The following PARD3B variants were observed in gnomAD, a reference collection of about 807,000 sequenced individuals.
PARD3B encodes partitioning defective 3 homolog B.
PARD3B carries 103 observed loss-of-function variants against 130.2 expected under a neutral mutation model. That is an observed-to-expected ratio of 0.79 (90% confidence interval 0.67 to 0.93). The LOEUF (loss-of-function observed/expected upper bound fraction) is 0.93. Among genes scored for constraint, PARD3B ranks in the 40% least tolerant of loss-of-function variants. The pLI is 0.00. For missense variants in PARD3B, 1,609 were observed against 1,499.2 expected (o/e 1.07, Z -1.21); for synonymous variants, 583 against 553.2 (o/e 1.05, Z -0.76).
At chr2:205,359,323 G>A (rs2044305795) in intron 18 of PARD3B, among the ~76,000 whole-genome samples, 1 of 152,134 alleles carries the variant, frequency 6.6e-6, no homozygotes, top group Non-Finnish European at 1.5e-5. Flanking sequence ...ACTATATCTT[G>A]TCTCCACAAT....
intron 2 of PARD3B, among the ~76,000 whole-genome samples, chr2:204,947,805 ACATGTCAT>A (rs1689454512): frequency 1.3e-5 from 2 of 152,218 alleles, no homozygotes; most frequent in African/African-American, 2.4e-5. Flanking sequence ...AAGGAAAGTG[ACATGTCAT>A]CTTCTAAAGC....
chr2:204,764,456 C>A (rs2018532), intron 2 of PARD3B, among the ~76,000 whole-genome samples: 44 of 152,214 alleles, frequency 2.9e-4, no homozygotes, highest in Middle Eastern at 6.8e-3. Flanking sequence ...GTGCCTGCAG[C>A]TTGATTTCTA....
intron 2 of PARD3B, among the ~76,000 whole-genome samples, chr2:204,710,756 C>T (rs1374310462): frequency 6.6e-6 from 1 of 152,136 alleles, no homozygotes; most frequent in Non-Finnish European, 1.5e-5. Flanking sequence ...GTGTTGGGGT[C>T]CTGGAATCTG....
At chr2:204,786,673 T>C (rs1387809167) in intron 2 of PARD3B, among the ~76,000 whole-genome samples, 2 of 151,566 alleles carry the variant, frequency 1.3e-5, no homozygotes, top group Admixed American at 6.6e-5. Flanking sequence ...GATTTCCTTT[T>C]TTAACTTAAA....
intron 21 of PARD3B, among the ~76,000 whole-genome samples, chr2:205,536,417 T>C (rs1389176538): frequency 6.6e-6 from 1 of 152,168 alleles, no homozygotes; most frequent in African/African-American, 2.4e-5. Context: ...GTATTTGATC[T>C]CTGCTCCTAA....
intron 1 of PARD3B, among the ~76,000 whole-genome samples, chr2:204,652,740 A>C (rs1342221432): frequency 6.9e-6 from 1 of 145,256 alleles, no homozygotes; most frequent in Non-Finnish European, 1.5e-5. Context: ...ATTTATGAGC[A>C]AAAGAGGTTT....
chr2:204,813,714 T>TTA (rs2043045486), intron 2 of PARD3B, among the ~76,000 whole-genome samples: 1 of 152,092 alleles, frequency 6.6e-6, no homozygotes, highest in African/African-American at 2.4e-5. Context: ...GAGTTCAAGT[T>TTA]TATTTTTTTT....
chr2:205,498,091 T>G (rs757951126), intron 20 of PARD3B, among the ~76,000 whole-genome samples: 1 of 151,194 alleles, frequency 6.6e-6, no homozygotes, highest in Non-Finnish European at 1.5e-5. Flanking sequence ...TCTCAGCTAT[T>G]TTGGATGCTG....
At chr2:205,363,953 C>A (rs189079555) in intron 18 of PARD3B, among the ~76,000 whole-genome samples, 4 of 151,174 alleles carry the variant, frequency 2.6e-5, no homozygotes, top group East Asian at 2.0e-4. Context: ...AGGCATGAAC[C>A]ACCGCACCCA....
chr2:205,327,077 T>C (rs2042962281), intron 18 of PARD3B, among the ~76,000 whole-genome samples: 2 of 152,198 alleles, frequency 1.3e-5, no homozygotes, highest in African/African-American at 2.4e-5. Context: ...GTATGTGTTC[T>C]TAGGGAGAAT....
Position 205,229,963 on chromosome 2 carries a change from G to A in PARD3B, c.2141-15815G>A, listed in dbSNP as rs1040163917. Among the ~76,000 whole-genome samples, 17 of 151,858 alleles carry A rather than the reference G, an allele frequency of 1.1e-4. No homozygotes were observed. Among genetic ancestry groups the A allele is most frequent in the African/African-American group, 4.1e-4 (17 of 41,334 alleles). On this transcript the variant is annotated intron_variant, in intron 15 of 22. Coordinates refer to ENST00000406610, the MANE Select transcript of PARD3B (RefSeq NM_001302769.2). The surrounding 1 kb of genome is among the most constrained non-coding windows in gnomAD (Gnocchi z 5.2). ...TGGCAAGTACTGCCTGTCTACCACTGATGCTCATTCCAGGTCTAAGGACTC... is the reference window on the plus strand; with the variant it reads ...TGGCAAGTACTGCCTGTCTACCACTAATGCTCATTCCAGGTCTAAGGACTC...
chr2:204,968,297 TCA>T (rs754891514), intron 3 of PARD3B, among the ~76,000 whole-genome samples: 38 of 152,336 alleles, frequency 2.5e-4, no homozygotes, highest in Admixed American at 1.1e-3. Flanking sequence ...CAAAATATAC[TCA>T]GTGTTCAGTA....
At chr2:204,942,724 A>T (rs2125805716) in intron 2 of PARD3B, among the ~76,000 whole-genome samples, 1 of 152,330 alleles carries the variant, frequency 6.6e-6, no homozygotes, top group East Asian at 1.9e-4. Context: ...TTGTGTAGTA[A>T]TGCAATTCAA....
At chr2:205,523,549 A>G (rs1045813380) in intron 21 of PARD3B, among the ~76,000 whole-genome samples, 1 of 152,076 alleles carries the variant, frequency 6.6e-6, no homozygotes, top group Admixed American at 6.6e-5. Flanking sequence ...ATCAGTCAAC[A>G]TCAAAAATAA....
chr2:204,766,120 A>T (rs940053295), intron 2 of PARD3B, among the ~76,000 whole-genome samples: 5 of 152,122 alleles, frequency 3.3e-5, no homozygotes, highest in Non-Finnish European at 7.4e-5. Flanking sequence ...TTTGTTTCAT[A>T]TTATTGCCAG....
intron 11 of PARD3B, among the ~76,000 whole-genome samples, chr2:205,166,865 A>T (rs921169696): frequency 6.6e-6 from 1 of 152,164 alleles, no homozygotes; most frequent in Non-Finnish European, 1.5e-5. Flanking sequence ...ATAATATCCC[A>T]GGAGGCCGTA....
At chr2:204,989,106 G>A (rs1186701786) in intron 3 of PARD3B, among the ~76,000 whole-genome samples, 1 of 152,092 alleles carries the variant, frequency 6.6e-6, no homozygotes, top group African/African-American at 2.4e-5. Flanking sequence ...AATGTTAAGG[G>A]GGGTACAGGC....
chr2:205,079,163 G>C lies in PARD3B; in HGVS notation c.505-25263G>C, dbSNP rs188909526. 1.5e-3 allele frequency among the ~76,000 whole-genome samples: 227 copies of C among 152,280 alleles called. 1 individual carries two copies. The highest frequency in any genetic ancestry group is 5.3e-3 in the African/African-American group (222 of 41,564). ...GCAGCAATAACGACCAGAACAAGTA[G>C]GTTCAATACATTGCATAGATCTGTT... On this transcript the variant is annotated intron_variant, in intron 4 of 22. Transcript: ENST00000406610.
intron 2 of PARD3B, among the ~76,000 whole-genome samples, chr2:204,900,444 A>T (rs1366710415): frequency 6.6e-6 from 1 of 152,138 alleles, no homozygotes; most frequent in Non-Finnish European, 1.5e-5. Context: ...TTTCTACTCC[A>T]CAATTTCTGC....
Sources: allele counts gnomAD v4.1 joint callset (sites outside exome capture counted in the v4.1 genomes callset), GRCh38; gene constraint gnomAD v4.1.1; non-coding constraint Gnocchi (gnomAD v3.1); transcripts MANE v1.5; gene names NCBI Gene and HGNC (gene_info 2026-07-23, HGNC 2026-07-21).